Variants in YAP1 observed in about 807,000 individuals in gnomAD.
YAP1 encodes transcriptional coactivator YAP1.
YAP1 carries 5 observed loss-of-function variants against 56.9 expected under a neutral mutation model. That is an observed-to-expected ratio of 0.09 (90% CI 0.05 to 0.18). The LOEUF (loss-of-function observed/expected upper bound fraction) is 0.18. Among genes scored for constraint, YAP1 ranks in the 10% least tolerant of loss-of-function variants. The probability of loss-of-function intolerance (pLI) is 1.00; values close to 1 mark genes in which losing one functional copy is unlikely to be tolerated. For synonymous variants in YAP1, 265 were observed against 248.1 expected (o/e 1.07, Z -0.64); for missense variants, 539 against 651.8 (o/e 0.83, Z 1.88).
intron 4 of YAP1, among the ~76,000 whole-genome samples, chr11:102,202,162 A>AT (rs945984837): frequency 2.7e-5 from 4 of 150,922 alleles, no homozygotes; most frequent in African/African-American, 7.3e-5. Flanking sequence ...CAGAATTATT[A>AT]TTATTTTTTT....
chr11:102,134,559 A>G (rs1299638670), intron 2 of YAP1, among the ~76,000 whole-genome samples: 3 of 150,278 alleles, frequency 2.0e-5, no homozygotes, highest in Non-Finnish European at 4.4e-5. Flanking sequence ...CTTATTCTAA[A>G]TAGTGATTTT....
At chr11:102,202,728 A>T (rs943970832) in intron 4 of YAP1, among the ~76,000 whole-genome samples, 1 of 152,108 alleles carries the variant, frequency 6.6e-6, no homozygotes, top group Non-Finnish European at 1.5e-5. Context: ...GTTTAGGTTT[A>T]AAAAAATCAG....
At chr11:102,198,478 T>C (rs1301918443) in intron 4 of YAP1, among the ~76,000 whole-genome samples, 2 of 152,234 alleles carry the variant, frequency 1.3e-5, no homozygotes, top group African/African-American at 4.8e-5. Flanking sequence ...GAAAATATAA[T>C]GGGGAAAGCT....
chr11:102,186,246 G>T (rs1291571903), intron 4 of YAP1, 115 bp downstream of exon 4: 1 of 1,162,408 alleles, frequency 8.6e-7, no homozygotes, highest in African/African-American at 1.6e-5. Context: ...ATTAAAAAAT[G>T]ACCCTGCCCA....
chr11:102,170,314 C>G (rs1946833153), intron 3 of YAP1, among the ~76,000 whole-genome samples: 1 of 152,130 alleles, frequency 6.6e-6, no homozygotes, highest in Non-Finnish European at 1.5e-5. Flanking sequence ...CTTTGTTTTT[C>G]AGTAGCTGCA....
At chr11:102,229,438 T>A (rs935329604) in intron 8 of YAP1, among the ~76,000 whole-genome samples, 3 of 152,238 alleles carry the variant, frequency 2.0e-5, no homozygotes, top group Non-Finnish European at 4.4e-5. Context: ...AGGGCTTTTT[T>A]ATTTTTTTCA....
intron 4 of YAP1, among the ~76,000 whole-genome samples, chr11:102,193,754 A>T (rs1355738896): frequency 6.6e-6 from 1 of 152,210 alleles, no homozygotes; most frequent in Non-Finnish European, 1.5e-5. Context: ...GTTTAAACTA[A>T]TGCCTTATTC....
chr11:102,193,527 G>A (rs946587243), intron 4 of YAP1, among the ~76,000 whole-genome samples: 1 of 152,110 alleles, frequency 6.6e-6, no homozygotes, highest in Non-Finnish European at 1.5e-5. Flanking sequence ...TATCAGTTAT[G>A]GTAAGCAATC....
At chr11:102,227,904 A>T (rs1950271347) in intron 8 of YAP1, among the ~76,000 whole-genome samples, 1 of 151,986 alleles carries the variant, frequency 6.6e-6, no homozygotes, top group South Asian at 2.1e-4. Context: ...CCCCATCTCT[A>T]TAAAAAAACA....
At chr11:102,112,477 A>G (rs1943012449) in intron 1 of YAP1, 1 of 960,780 alleles carries the variant, frequency 1.0e-6, no homozygotes, top group Admixed American at 8.4e-5. Context: ...ACTTCAGCAT[A>G]GGAACTTTGC....
intron 3 of YAP1, among the ~76,000 whole-genome samples, chr11:102,163,537 G>A (rs1195976426): frequency 3.3e-5 from 5 of 152,240 alleles, no homozygotes; most frequent in Middle Eastern, 3.4e-3. Context: ...TGGCCCCCAC[G>A]CTTTACCCCG....
chr11:102,205,428 A>G (rs1295094696), intron 4 of YAP1, among the ~76,000 whole-genome samples: 1 of 152,228 alleles, frequency 6.6e-6, no homozygotes, highest in South Asian at 2.1e-4. Flanking sequence ...CATCATTCAC[A>G]CTTCAGAAGT....
At chr11:102,205,586 G>C (rs545315154) in intron 4 of YAP1, among the ~76,000 whole-genome samples, 10 of 149,580 alleles carry the variant, frequency 6.7e-5, no homozygotes, top group Admixed American at 6.7e-4. Flanking sequence ...CCCCCACCCC[G>C]TTTTTTTTAA....
At chr11:102,227,620 A>AGT in intron 8 of YAP1, 39 bp downstream of exon 8, 1 of 1,403,012 alleles carries the variant, frequency 7.1e-7, no homozygotes, top group Non-Finnish European at 1.0e-6. Context: ...CTGACTTAAC[A>AGT]GTGGGATATG....
chr11:102,211,823 C>T (rs573631111), intron 6 of YAP1, among the ~76,000 whole-genome samples: 1 of 152,212 alleles, frequency 6.6e-6, no homozygotes, highest in African/African-American at 2.4e-5. Flanking sequence ...CCTGCCTCAG[C>T]CTCCTGAGTG....
At chr11:102,114,441 A>G in intron 2 of YAP1, 47 bp downstream of exon 2, 2 of 1,586,468 alleles carry the variant, frequency 1.3e-6, no homozygotes, top group South Asian at 2.2e-5. Flanking sequence ...ACAAATATGT[A>G]TTGGAAAACA....
At chr11:102,137,036 T>C (rs562523327) in intron 2 of YAP1, among the ~76,000 whole-genome samples, 2 of 152,332 alleles carry the variant, frequency 1.3e-5, no homozygotes, top group African/African-American at 4.8e-5. Flanking sequence ...AATGAACCTA[T>C]AGAAAAATTT....
At chr11:102,163,602 T>A (rs1946425257) in intron 3 of YAP1, among the ~76,000 whole-genome samples, 1 of 152,208 alleles carries the variant, frequency 6.6e-6, no homozygotes, top group African/African-American at 2.4e-5. Flanking sequence ...GTGGCAGCTC[T>A]AGTAGACTTG....
At chr11:102,199,031 T>G (rs1948711773) in intron 4 of YAP1, among the ~76,000 whole-genome samples, 1 of 152,164 alleles carries the variant, frequency 6.6e-6, no homozygotes, top group South Asian at 2.1e-4. Context: ...TCTATGTGTT[T>G]GTGGAGGAGA....
Sources: allele counts gnomAD v4.1 joint callset (sites outside exome capture counted in the v4.1 genomes callset), GRCh38; gene constraint gnomAD v4.1.1; transcripts MANE v1.5; gene names NCBI Gene and HGNC (gene_info 2026-07-23, HGNC 2026-07-21).